The following BAZ2B variants were observed in gnomAD, a reference collection of about 807,000 sequenced individuals.
BAZ2B encodes bromodomain adjacent to zinc finger domain protein 2B.
Under a neutral mutation model 246.0 loss-of-function variants are expected in BAZ2B, and 91 were observed. The observed-to-expected ratio is 0.37, with a 90% CI of 0.31 to 0.44. BAZ2B has a LOEUF of 0.44. BAZ2B is among the 20% of genes least tolerant of loss of function. The pLI is 1.00. For synonymous variants in BAZ2B, 855 were observed against 860.0 expected (o/e 0.99, Z 0.10); for missense variants, 2,332 against 2,533.7 (o/e 0.92, Z 1.71).
At chr2:159,523,488 A>G (rs535199443) in intron 2 of BAZ2B, among the ~76,000 whole-genome samples, 1 of 152,078 alleles carries the variant, frequency 6.6e-6, no homozygotes, top group East Asian at 1.9e-4. Context: ...GGCGGATCAC[A>G]AGATCAGGAG....
At chr2:159,702,804 G>T in the BAZ2B span, among the ~76,000 whole-genome samples, 14 of 152,136 alleles carry the variant, frequency 9.2e-5, no homozygotes, top group African/African-American at 3.1e-4. Flanking sequence ...ACTTTGGGAC[G>T]CCGAGGCGGG....
At chr2:159,482,632 G>A (rs907044974) in intron 2 of BAZ2B, among the ~76,000 whole-genome samples, 4 of 151,978 alleles carry the variant, frequency 2.6e-5, no homozygotes, top group South Asian at 2.1e-4. Context: ...GATAGATTAC[G>A]TGCTAAGAAT....
chr2:159,490,912 T>G (rs1460860460), intron 2 of BAZ2B, among the ~76,000 whole-genome samples: 1 of 152,122 alleles, frequency 6.6e-6, no homozygotes, highest in African/African-American at 2.4e-5. Context: ...TAGGCAAGAT[T>G]GACAACAAAA....
chr2:159,434,511 T>G (rs1225640993), intron 8 of BAZ2B: 1 of 152,098 alleles, frequency 6.6e-6, no homozygotes, highest in Non-Finnish European at 1.5e-5. Context: ...CCATACCACC[T>G]TTAGTATACA....
At chr2:159,480,556 G>A (rs547837971) in intron 2 of BAZ2B, among the ~76,000 whole-genome samples, 15 of 152,006 alleles carry the variant, frequency 9.9e-5, no homozygotes, top group South Asian at 4.1e-4. Flanking sequence ...TTAAATAAAC[G>A]CACATGCACA....
chr2:159,679,570 C>T, the BAZ2B span, among the ~76,000 whole-genome samples: 1 of 152,066 alleles, frequency 6.6e-6, no homozygotes, highest in African/African-American at 2.4e-5. Flanking sequence ...ACATTATAAG[C>T]CTTTCCTAAT....
intron 4 of BAZ2B, among the ~76,000 whole-genome samples, chr2:159,449,410 C>T (rs1354601102): frequency 2.0e-5 from 3 of 151,798 alleles, no homozygotes; most frequent in African/African-American, 7.3e-5. Context: ...GGAAAAAAAC[C>T]CACAACAATA....
intron 13 of BAZ2B, among the ~76,000 whole-genome samples, chr2:159,419,064 G>A (rs926583179): frequency 5.3e-5 from 8 of 152,122 alleles, no homozygotes; most frequent in East Asian, 1.9e-4. Flanking sequence ...TAACCATAGC[G>A]TAAGTAAACA....
the BAZ2B span, among the ~76,000 whole-genome samples, chr2:159,664,902 T>G: frequency 6.6e-6 from 1 of 151,014 alleles, no homozygotes; most frequent in Non-Finnish European, 1.5e-5. Context: ...TTTGTCAATT[T>G]TGGCTTTTGT....
chr2:159,412,216 C>T (rs2066937765), intron 14 of BAZ2B, 119 bp downstream of exon 14: 1 of 1,071,444 alleles, frequency 9.3e-7, no homozygotes, highest in Non-Finnish European at 1.3e-6. Flanking sequence ...TTTATTCTAA[C>T]ACAACTATTT....
intron 27 of BAZ2B, among the ~76,000 whole-genome samples, chr2:159,352,085 A>G (rs560113087): frequency 6.6e-6 from 1 of 152,318 alleles, no homozygotes; most frequent in South Asian, 2.1e-4. Context: ...ACAACATTCT[A>G]TAATCTGGTT....
At chr2:159,553,212 T>A (rs2088555007) in intron 2 of BAZ2B, among the ~76,000 whole-genome samples, 1 of 151,494 alleles carries the variant, frequency 6.6e-6, no homozygotes, top group South Asian at 2.1e-4. Context: ...CTGGCCAACA[T>A]GATAAAACCC....
chr2:159,613,831 A>C (rs974697898), intron 1 of BAZ2B, among the ~76,000 whole-genome samples: 1 of 152,192 alleles, frequency 6.6e-6, no homozygotes, highest in African/African-American at 2.4e-5. Flanking sequence ...CAGACACTCA[A>C]CTCAGTCAAG....
intron 1 of BAZ2B, among the ~76,000 whole-genome samples, chr2:159,556,896 G>T (rs1228471380): frequency 6.6e-6 from 1 of 152,058 alleles, no homozygotes; most frequent in South Asian, 2.1e-4. Flanking sequence ...TCCTCATAAC[G>T]AATCCTTCAA....
intron 1 of BAZ2B, among the ~76,000 whole-genome samples, chr2:159,578,996 C>T (rs1024954014): frequency 6.6e-6 from 1 of 152,078 alleles, no homozygotes; most frequent in Non-Finnish European, 1.5e-5. Context: ...GACACCCTAA[C>T]GTCACAATTA....
chr2:159,409,038 CATTT>C (rs2066404924), intron 14 of BAZ2B, among the ~76,000 whole-genome samples: 1 of 151,070 alleles, frequency 6.6e-6, no homozygotes, highest in Non-Finnish European at 1.5e-5. Context: ...AGTATCTTCT[CATTT>C]ATTTGTTTTT....
At chr2:159,360,120 A>T (rs1482675363) in intron 27 of BAZ2B, among the ~76,000 whole-genome samples, 1 of 152,242 alleles carries the variant, frequency 6.6e-6, no homozygotes, top group African/African-American at 2.4e-5. Flanking sequence ...ATCAGGTAAA[A>T]GAATGAAATA....
At chr2:159,417,583 A>G (rs2067979184) in intron 13 of BAZ2B, among the ~76,000 whole-genome samples, 1 of 150,886 alleles carries the variant, frequency 6.6e-6, no homozygotes, top group Admixed American at 6.6e-5. Context: ...AAAGGAAAAA[A>G]AGAAAAGGGT....
At chr2:159,538,876 A>G (rs1414669047) in intron 2 of BAZ2B, among the ~76,000 whole-genome samples, 1 of 152,246 alleles carries the variant, frequency 6.6e-6, no homozygotes, top group Non-Finnish European at 1.5e-5. Context: ...CAGTAACAAA[A>G]TGCAACATAA....
Sources: allele counts gnomAD v4.1 joint callset (sites outside exome capture counted in the v4.1 genomes callset), GRCh38; gene constraint gnomAD v4.1.1; transcripts MANE v1.5; gene names NCBI Gene and HGNC (gene_info 2026-07-23, HGNC 2026-07-21).